LEMD3: variants seen among roughly 807,000 people sequenced by gnomAD.
The protein encoded by LEMD3 is LEM domain containing 3.
Under a neutral mutation model 95.2 loss-of-function variants are expected in LEMD3, and 33 were observed. The observed-to-expected ratio is 0.35, with a 90% CI of 0.26 to 0.46. LEMD3 has a LOEUF of 0.46. Ranked by LOEUF, LEMD3 falls within the 20% of genes least tolerant of loss-of-function variation. The pLI is 1.00. For missense variants in LEMD3, 1,210 were observed against 1,192.8 expected, an observed-to-expected ratio of 1.01 and a Z score of -0.21; for synonymous variants, 525 against 474.6, an observed-to-expected ratio of 1.11 and a Z score of -1.38.
At chr12:65,200,361 A>G (rs975478324) in intron 1 of LEMD3, among the ~76,000 whole-genome samples, 41 of 152,102 alleles carry the variant, frequency 2.7e-4, no homozygotes, top group Admixed American at 7.2e-4. Context: ...TGTTGAGTGT[A>G]CTTCTGGTTC....
At chr12:65,177,524 T>C (rs1252721271) in intron 1 of LEMD3, among the ~76,000 whole-genome samples, 1 of 152,170 alleles carries the variant, frequency 6.6e-6, no homozygotes, top group Admixed American at 6.5e-5. Context: ...TGGGGCTTAT[T>C]ATTTGAGTTG....
intron 4 of LEMD3, among the ~76,000 whole-genome samples, chr12:65,236,506 G>A (rs542479822): frequency 1.5e-4 from 23 of 151,504 alleles, no homozygotes; most frequent in African/African-American, 4.8e-4. Flanking sequence ...AGGCGAGTTC[G>A]CACCACTGCA....
At chr12:65,218,316 T>G (rs527735801) in intron 3 of LEMD3, among the ~76,000 whole-genome samples, 122 of 152,300 alleles carry the variant, frequency 8.0e-4, no homozygotes, top group Non-Finnish European at 1.3e-3. Context: ...ATTTAAAAGT[T>G]GTGGTTAATG....
chr12:65,247,896 C>T lies in LEMD3; in HGVS notation c.*1571C>T, dbSNP rs780029716. On this transcript the variant is annotated 3_prime_UTR_variant, in exon 13 of 13. Coordinates refer to ENST00000308330, the MANE Select transcript of LEMD3 (RefSeq NM_014319.5). ...ATCTGAAGAGAATAAATTTTAAATT[C>T]TCAGTTTATGTCTCAGATGCTAACG... The T allele has an allele frequency of 6.6e-6, 1 of 152,372 alleles. No homozygotes were observed. Among genetic ancestry groups the T allele is most frequent in the Non-Finnish European group, 1.5e-5 (1 of 67,972 alleles). 9.4% of individuals were successfully genotyped at this position (152,372 alleles called of 1,614,324 possible).
Position 65,170,319 on chromosome 12 carries a change from C to T in LEMD3, c.723C>T (p.Ser241=). The part of the protein sequence containing the change: ...DPETEEPLWA[S]RTVNGSRLVP... ...AGACCGAGGAGCCGCTCTGGGCGAG[C>T]CGGACCGTGAATGGCAGCCGGCTTG... is the stretch of plus-strand genomic sequence containing the variant. The change falls in exon 1 of 13, where the codon AGC becomes AGT. Residue 241 remains serine (S), a synonymous_variant. Coordinates refer to ENST00000308330, the MANE Select transcript of LEMD3 (RefSeq NM_014319.5). 1.3e-6 allele frequency: 2 copies of T among 1,597,106 alleles called. No individual in the cohort carries two copies. Among genetic ancestry groups the T allele is most frequent in the Non-Finnish European group, 1.7e-6 (2 of 1,171,626 alleles).
In LEMD3 at chr12:65,247,431, A is replaced by G. The variant is rs1329194672; in HGVS notation, c.*1106A>G. 6.6e-6 allele frequency: 1 copy of G among 152,566 alleles called. No homozygotes were observed. The highest frequency in any genetic ancestry group is 1.9e-4 in the East Asian group (1 of 5,198). 9.5% of individuals were successfully genotyped at this position (152,566 alleles called of 1,614,324 possible). ...TTGCAGCAAAATGTGTATTTGACAA[A>G]TTATACTTGCAATTTTGGGTCATGA... On this transcript the variant is annotated 3_prime_UTR_variant, in exon 13 of 13. Coordinates refer to ENST00000308330, the MANE Select transcript of LEMD3 (RefSeq NM_014319.5).
At chr12:65,181,373 G>A (rs956287205) in intron 1 of LEMD3, among the ~76,000 whole-genome samples, 5 of 152,114 alleles carry the variant, frequency 3.3e-5, no homozygotes, top group Admixed American at 6.5e-5. Flanking sequence ...ACCAGGTAAT[G>A]GCAGAAGATA....
intron 1 of LEMD3, among the ~76,000 whole-genome samples, chr12:65,210,547 C>G (rs974034263): frequency 6.6e-6 from 1 of 152,064 alleles, no homozygotes; most frequent in African/African-American, 2.4e-5. Context: ...CTGACAACAA[C>G]TGTATAAGGT....
At chr12:65,233,602 C>T (rs1222328354) in intron 4 of LEMD3, among the ~76,000 whole-genome samples, 1 of 141,894 alleles carries the variant, frequency 7.0e-6, no homozygotes, top group African/African-American at 2.6e-5. Context: ...GATCATCTCA[C>T]AGTTCACTAG....
At chr12:65,219,040 C>A (rs1034500235) in intron 4 of LEMD3, among the ~76,000 whole-genome samples, 2 of 152,108 alleles carry the variant, frequency 1.3e-5, no homozygotes, top group Non-Finnish European at 2.9e-5. Context: ...GATCTGCATG[C>A]CTTGGCCTCC....
At chr12:65,219,348 T>A (rs1325330011) in intron 4 of LEMD3, among the ~76,000 whole-genome samples, 1 of 152,196 alleles carries the variant, frequency 6.6e-6, no homozygotes, top group Non-Finnish European at 1.5e-5. Flanking sequence ...AGTAAAAGAT[T>A]AAAGATGGAT....
At position 65,170,571 on chromosome 12, in the gene LEMD3, C is replaced by G. The variant is rs375580551; in HGVS notation, c.975C>G (p.Ala325=). Residue 325 remains alanine (A), a synonymous_variant, in exon 1 of 13, where the codon GCC becomes GCG. Transcript: ENST00000308330. The part of the protein sequence containing the change: ...GLAMNDRAAA[A]GSLDRSRNLE... The stretch of plus-strand genomic sequence containing the variant: ...CGATGAATGACAGGGCGGCGGCTGC[C>G]GGGAGTCTAGACAGGAGCCGAAACC... 14 of 1,613,898 alleles carry G rather than the reference C, an allele frequency of 8.7e-6. No homozygotes were observed. The highest frequency in any genetic ancestry group is 1.2e-5 in the Non-Finnish European group (14 of 1,179,934).
chr12:65,204,873 T>C (rs752285633), intron 1 of LEMD3, among the ~76,000 whole-genome samples: 1 of 152,204 alleles, frequency 6.6e-6, no homozygotes, highest in Non-Finnish European at 1.5e-5. Context: ...GGTACAATTA[T>C]AATGTGGAAT....
intron 1 of LEMD3, among the ~76,000 whole-genome samples, chr12:65,196,604 A>G (rs1051987429): frequency 2.0e-5 from 3 of 152,048 alleles, no homozygotes; most frequent in Non-Finnish European, 4.4e-5. Flanking sequence ...AACTTACCTT[A>G]TATAAGACTA....
intron 1 of LEMD3, among the ~76,000 whole-genome samples, chr12:65,194,290 C>T (rs938198776): frequency 1.3e-5 from 2 of 152,102 alleles, no homozygotes; most frequent in South Asian, 2.1e-4. Flanking sequence ...GCTGATTTAT[C>T]AAGAGAGGGG....
At chr12:65,237,403 A>T (rs918309049) in intron 4 of LEMD3, among the ~76,000 whole-genome samples, 2 of 152,158 alleles carry the variant, frequency 1.3e-5, no homozygotes, top group Non-Finnish European at 2.9e-5. Context: ...TTGCCTTTTC[A>T]GGTAATTGTA....
Position 65,215,998 on chromosome 12 carries a change from A to G in LEMD3, c.1582A>G (p.Met528Val). ...KIQESEKTLM[M>V]NTLYKLHDRL... ...TTAGGAAAGTGAAAAAACTCTTATG[A>G]TGAACACATTATATAAGCTTCATGA... is the stretch of plus-strand genomic sequence containing the variant. Residue 528 changes from methionine to valine, a missense_variant, in exon 3 of 13, where the codon ATG becomes GTG. Met to Val is a conservative substitution (Grantham distance 21, BLOSUM62 1). Around this residue, in one of 2 missense-constraint regions of LEMD3, gnomAD observed 461 missense variants for 569.8 expected, o/e 0.81. Transcript: ENST00000308330. 1.9e-6 allele frequency: 3 copies of G among 1,571,778 alleles called. No homozygotes were observed. The highest frequency in any genetic ancestry group is 2.6e-6 in the Non-Finnish European group (3 of 1,150,144).
At chr12:65,176,109 G>C (rs1289611991) in intron 1 of LEMD3, among the ~76,000 whole-genome samples, 1 of 152,192 alleles carries the variant, frequency 6.6e-6, no homozygotes, top group Non-Finnish European at 1.5e-5. Flanking sequence ...TGGTGTCCCT[G>C]CTTCTAGGCT....
chr12:65,211,721 T>C (rs1477076853), intron 2 of LEMD3, among the ~76,000 whole-genome samples: 1 of 152,222 alleles, frequency 6.6e-6, no homozygotes, highest in Non-Finnish European at 1.5e-5. Flanking sequence ...TCTATTGCAG[T>C]GATAATTGTT....
Sources: gnomAD v4.1 joint callset for allele counts (sites outside exome capture counted in the v4.1 genomes callset) on GRCh38, gnomAD v4.1.1 for gene constraint, gnomAD v4.1.1 regional missense constraint, MANE v1.5 for transcripts, NCBI Gene and HGNC (gene_info 2026-07-23, HGNC 2026-07-21) for gene names.